The following ERLIN1 variants were observed in gnomAD, a reference collection of about 807,000 sequenced individuals.
ERLIN1 encodes ER lipid raft associated 1, also known as erlin-1.
In ERLIN1, 24 loss-of-function variants were observed where a neutral mutation model predicts 46.9. The ratio of observed to expected loss-of-function variants is 0.51; its 90% CI spans 0.37 to 0.72. ERLIN1 has a LOEUF of 0.72. Among genes scored for constraint, ERLIN1 ranks in the 30% least tolerant of loss-of-function variants. The pLI, the probability that ERLIN1 is intolerant of heterozygous loss-of-function variation, is 0.00. For missense variants in ERLIN1, 293 were observed against 417.9 expected, an observed-to-expected ratio of 0.70 and a Z score of 2.61; for synonymous variants, 158 against 143.2, an observed-to-expected ratio of 1.10 and a Z score of -0.74.
rs565382995 is a variant in ERLIN1 at position 100,184,832 on chromosome 10, C to T, written c.113+682G>A. 4.6e-5 allele frequency among the ~76,000 whole-genome samples: 7 copies of T among 152,272 alleles called. No homozygotes were observed. In the East Asian group the frequency reaches 1.3e-3, roughly 29 times the overall value. On this transcript the variant is annotated intron_variant, in intron 1 of 10. Coordinates refer to ENST00000421367, the MANE Select transcript of ERLIN1 (RefSeq NM_006459.4). ...ATAGTGGAAACAAGCAAAAAGTTGACGCTCTTTTTGAATACACCATTATCC... is the reference window on the plus strand; with the variant it reads ...ATAGTGGAAACAAGCAAAAAGTTGATGCTCTTTTTGAATACACCATTATCC...
chr10:100,168,417 CA>C (rs1843770307), intron 6 of ERLIN1, among the ~76,000 whole-genome samples: 1 of 152,142 alleles, frequency 6.6e-6, no homozygotes, highest in South Asian at 2.1e-4. Context: ...ATGGAATAAG[CA>C]GCTGAAGGCT....
In ERLIN1 at chr10:100,151,774, G is replaced by A; in HGVS notation, c.*357C>T. The stretch of plus-strand genomic sequence containing the variant: ...GTGGCTGAGCATACATTTCCCCGGG[G>A]GACGAATGTAAACATTATTCAACAG... On this transcript the variant is annotated 3_prime_UTR_variant, in exon 11 of 11. Transcript: ENST00000421367. The A allele has an allele frequency of 3.0e-6, 1 of 329,330 alleles. No individual in the cohort carries two copies. Among genetic ancestry groups the A allele is most frequent in the Non-Finnish European group, 5.9e-6 (1 of 168,374 alleles). The allele number at this position is 329,330 out of a possible 1,614,324, so 20.4% of individuals were successfully genotyped here.
chr10:100,155,019 G>T, intron 9 of ERLIN1, 80 bp from the exon 10 acceptor site: 1 of 1,166,270 alleles, frequency 8.6e-7, no homozygotes, highest in Non-Finnish European at 1.3e-6. Context: ...TTAATATTGT[G>T]ACTGCTTATT....
intron 4 of ERLIN1, 21 bp from the exon 5 acceptor site, chr10:100,176,091 A>G: frequency 6.3e-7 from 1 of 1,599,116 alleles, no homozygotes; most frequent in Non-Finnish European, 8.5e-7. Context: ...GGTACAACCC[A>G]TGTTTGTTTT....
intron 6 of ERLIN1, among the ~76,000 whole-genome samples, chr10:100,172,006 A>G (rs761553901): frequency 1.2e-4 from 18 of 152,214 alleles, no homozygotes; most frequent in Admixed American, 9.2e-4. Flanking sequence ...GGTAGTATGT[A>G]TCAATAAGCC....
chr10:100,159,854 GAAC>G (rs751735971), intron 8 of ERLIN1, among the ~76,000 whole-genome samples: 2 of 108,598 alleles, frequency 1.8e-5, no homozygotes, highest in Non-Finnish European at 4.0e-5. Context: ...AGTTAAAAAA[GAAC>G]AAATGAACTA....
intron 3 of ERLIN1, among the ~76,000 whole-genome samples, chr10:100,178,699 C>T (rs1589553065): frequency 6.6e-6 from 1 of 152,204 alleles, no homozygotes; most frequent in South Asian, 2.1e-4. Context: ...TTTTATTAAG[C>T]ACCTATTCTG....
intron 8 of ERLIN1, 30 bp downstream of exon 8, chr10:100,163,974 G>GT (rs761544116): frequency 7.1e-6 from 10 of 1,410,744 alleles, no homozygotes; most frequent in Middle Eastern, 1.7e-4. Context: ...AATGTACTTA[G>GT]AGACAATCAT....
chr10:100,155,254 G>A (rs1179688958), intron 9 of ERLIN1, among the ~76,000 whole-genome samples: 1 of 152,036 alleles, frequency 6.6e-6, no homozygotes, highest in African/African-American at 2.4e-5. Context: ...AGTAAAATAA[G>A]TCCAGACATA....
chr10:100,166,359 T>C (rs554595242), intron 7 of ERLIN1, among the ~76,000 whole-genome samples: 47 of 151,302 alleles, frequency 3.1e-4, no homozygotes, highest in African/African-American at 1.1e-3. Context: ...GCCTGGGAGG[T>C]TGAGACTGCA....
intron 10 of ERLIN1, 114 bp downstream of exon 10, chr10:100,154,746 T>A: frequency 1.3e-6 from 1 of 791,680 alleles, no homozygotes; most frequent in Non-Finnish European, 2.1e-6. Context: ...GATGTCTTGG[T>A]CACTACACTT....
intron 3 of ERLIN1, among the ~76,000 whole-genome samples, 167 bp downstream of exon 3, chr10:100,179,034 G>A (rs1844478516): frequency 6.6e-6 from 1 of 152,180 alleles, no homozygotes; most frequent in Non-Finnish European, 1.5e-5. Context: ...TCTTAAGATG[G>A]AAAAGCTCCT....
intron 9 of ERLIN1, 94 bp from the exon 10 acceptor site, chr10:100,155,033 C>T: frequency 9.5e-7 from 1 of 1,056,706 alleles, no homozygotes; most frequent in Non-Finnish European, 1.4e-6. Context: ...GCTTATTTCA[C>T]ATTGAAAGTT....
At chr10:100,155,766 G>A (rs372815835) in intron 9 of ERLIN1, among the ~76,000 whole-genome samples, 73 of 152,146 alleles carry the variant, frequency 4.8e-4, no homozygotes, top group Middle Eastern at 6.8e-3. Context: ...CGCCCGCCTC[G>A]GCCTCCCAAA....
In ERLIN1 at chr10:100,166,249, G is replaced by A. The variant is rs374949889; in HGVS notation, c.563+1099C>T. 2.1e-4 allele frequency among the ~76,000 whole-genome samples: 32 copies of A among 152,166 alleles called. No individual in the cohort carries two copies. In the South Asian group the frequency reaches 2.5e-3, roughly 12 times the overall value. On this transcript the variant is annotated intron_variant, in intron 7 of 10. Transcript: ENST00000421367. ...AGGCTGGGCAACAGGGCAAAACTCC[G>A]TCTCTATGAAAAATACAAAATTTAG... is the stretch of plus-strand genomic sequence containing the variant.
At chr10:100,155,285 G>A (rs1198706424) in intron 9 of ERLIN1, among the ~76,000 whole-genome samples, 4 of 151,956 alleles carry the variant, frequency 2.6e-5, no homozygotes, top group Non-Finnish European at 5.9e-5. Context: ...TTACTGCATT[G>A]TCTCCAGCCC....
At chr10:100,171,931 A>T (rs1844021478) in intron 6 of ERLIN1, among the ~76,000 whole-genome samples, 2 of 152,188 alleles carry the variant, frequency 1.3e-5, no homozygotes, top group African/African-American at 2.4e-5. Context: ...AATGTGTAAG[A>T]ACTACAGCTT....
At chr10:100,169,396 C>T (rs1843857503) in intron 6 of ERLIN1, among the ~76,000 whole-genome samples, 1 of 151,120 alleles carries the variant, frequency 6.6e-6, no homozygotes, top group Non-Finnish European at 1.5e-5. Context: ...AATATAGTCA[C>T]TCCCTTAAAT....
intron 6 of ERLIN1, among the ~76,000 whole-genome samples, chr10:100,172,493 C>T (rs1474209743): frequency 1.3e-5 from 2 of 151,968 alleles, no homozygotes; most frequent in African/African-American, 2.4e-5. Flanking sequence ...AGAAAGAAAA[C>T]AATCCAACAG....
Sources: allele counts gnomAD v4.1 joint callset (sites outside exome capture counted in the v4.1 genomes callset), GRCh38; gene constraint gnomAD v4.1.1; transcripts MANE v1.5; gene names NCBI Gene and HGNC (gene_info 2026-07-23, HGNC 2026-07-21).